Variants in MTUS1 observed in about 807,000 individuals in gnomAD.
The protein encoded by MTUS1 is microtubule associated scaffold protein 1.
In MTUS1, 109 loss-of-function variants were observed where a neutral mutation model predicts 120.8. That is an observed-to-expected ratio of 0.90 (90% CI 0.77 to 1.06). The LOEUF (loss-of-function observed/expected upper bound fraction) is 1.06, where lower values mean the gene tolerates loss of function less well. MTUS1 is among the 50% of genes least tolerant of loss of function. The pLI, the probability that MTUS1 is intolerant of heterozygous loss-of-function variation, is 0.00. For synonymous variants in MTUS1, 737 were observed against 550.5 expected, an observed-to-expected ratio of 1.34 and a Z score of -4.74; for missense variants, 2,210 against 1,486.3, an observed-to-expected ratio of 1.49 and a Z score of -8.01.
At chr8:17,788,972 C>G (rs915130976) in intron 1 of MTUS1, among the ~76,000 whole-genome samples, 6 of 151,728 alleles carry the variant, frequency 4.0e-5, no homozygotes, top group African/African-American at 9.7e-5. Flanking sequence ...AAGGCACTCT[C>G]AAAGACTGTA....
intron 6 of MTUS1, among the ~76,000 whole-genome samples, chr8:17,701,230 C>T (rs1437634555): frequency 6.6e-6 from 1 of 152,146 alleles, no homozygotes; most frequent in Non-Finnish European, 1.5e-5. Flanking sequence ...GCAACATTTT[C>T]TTCATTTTAC....
intron 1 of MTUS1, among the ~76,000 whole-genome samples, chr8:17,763,258 G>T (rs1380930448): frequency 6.6e-6 from 1 of 152,194 alleles, no homozygotes; most frequent in Admixed American, 6.5e-5. Flanking sequence ...CCAAAGTGCT[G>T]GGATTACAGG....
At chr8:17,649,350 G>A (rs1293614684) in intron 13 of MTUS1, among the ~76,000 whole-genome samples, 5 of 152,156 alleles carry the variant, frequency 3.3e-5, no homozygotes, top group Admixed American at 1.3e-4. Flanking sequence ...GAGCCACTGC[G>A]CCCAGCCCAC....
At position 17,712,739 on chromosome 8, in the gene MTUS1, A is replaced by G. The variant is rs1462835131; in HGVS notation, c.2623+475T>C. ...AATCTTTTATGGGTTCTTGAGAGAC[A>G]TAAAGTTTTGGATTCTCAGCTGTGG... On this transcript the variant is annotated intron_variant, in intron 6 of 14. Coordinates refer to ENST00000693296, the MANE Select transcript of MTUS1 (RefSeq NM_001363059.2). 2.0e-5 allele frequency among the ~76,000 whole-genome samples: 3 copies of G among 152,052 alleles called. No homozygotes were observed. The East Asian group carries it at 5.8e-4, about 29-fold the overall frequency.
chr8:17,754,398 T>G lies in MTUS1; in HGVS notation c.1410A>C (p.Ala470=). The change falls in exon 2 of 15, where the codon GCA becomes GCC. Residue 470 remains alanine, a synonymous_variant. Coordinates refer to ENST00000693296, the MANE Select transcript of MTUS1 (RefSeq NM_001363059.2). ...AACTGGGTTTACACAGGTTCACAGGTGCCTCCTTCGAGTCTGGTATGTTTT... is the reference window on the plus strand; with the variant it reads ...AACTGGGTTTACACAGGTTCACAGGGGCCTCCTTCGAGTCTGGTATGTTTT... ...GLKNIPDSKE[A]PVNLCKPSLG... 6.2e-7 allele frequency: 1 copy of G among 1,614,184 alleles called. No individual in the cohort carries two copies. The highest frequency in any genetic ancestry group is 8.5e-7 in the Non-Finnish European group (1 of 1,180,024).
chr8:17,756,217 T>C (rs149222898), intron 1 of MTUS1, among the ~76,000 whole-genome samples: 1 of 152,332 alleles, frequency 6.6e-6, no homozygotes, highest in African/African-American at 2.4e-5. Flanking sequence ...CCTGACTTTA[T>C]AACTGATATG....
intron 1 of MTUS1, among the ~76,000 whole-genome samples, chr8:17,763,067 C>T (rs2049170101): frequency 6.6e-6 from 1 of 151,958 alleles, no homozygotes; most frequent in East Asian, 1.9e-4. Context: ...TCTTGGCTCA[C>T]TGCAACCTCC....
At position 17,675,247 on chromosome 8, in the gene MTUS1, C is replaced by T. The variant is rs780522842; in HGVS notation, c.2844G>A (p.Glu948=). 2 of 1,614,106 alleles carry T rather than the reference C, an allele frequency of 1.2e-6. No homozygotes were observed. The highest frequency in any genetic ancestry group is 2.2e-5 in the South Asian group (2 of 91,056). Residue 948 remains glutamate (E), a synonymous_variant, in exon 8 of 15, where the codon GAG becomes GAA. Transcript: ENST00000693296. ...VVIQHLLSER[E]EALKQHKTLS... ...GGGTTTTGTGTTGTTTCAGTGCTTC[C>T]TCCCGCTGCGGAAAACACACATCAA...
intron 1 of MTUS1, among the ~76,000 whole-genome samples, chr8:17,788,036 G>T (rs759990684): frequency 1.3e-5 from 2 of 152,156 alleles, no homozygotes; most frequent in African/African-American, 4.8e-5. Context: ...TAGGAGAATG[G>T]CTGGAACCCA....
At chr8:17,687,325 G>A (rs186534961) in intron 6 of MTUS1, among the ~76,000 whole-genome samples, 2 of 152,206 alleles carry the variant, frequency 1.3e-5, no homozygotes, top group East Asian at 3.9e-4. Flanking sequence ...CTCAGCTGAA[G>A]ATCAGAGATG....
At chr8:17,714,862 G>C (rs1391727739) in intron 5 of MTUS1, among the ~76,000 whole-genome samples, 1 of 116,186 alleles carries the variant, frequency 8.6e-6, no homozygotes, top group Non-Finnish European at 1.7e-5. Context: ...TCAGGCTTTA[G>C]TTAAGCTTCA....
At chr8:17,767,498 A>G (rs2049617299) in intron 1 of MTUS1, among the ~76,000 whole-genome samples, 1 of 150,996 alleles carries the variant, frequency 6.6e-6, no homozygotes, top group Non-Finnish European at 1.5e-5. Context: ...GGAGTTTGAG[A>G]CTAGCCTGGG....
In MTUS1 at chr8:17,645,800, C is replaced by T. The variant is rs1805654045; in HGVS notation, c.*126G>A. 2.4e-6 allele frequency: 3 copies of T among 1,274,356 alleles called. No individual in the cohort carries two copies. In the East Asian group the frequency reaches 8.6e-5, roughly 37 times the overall value. The allele number at this position is 1,274,356 out of a possible 1,614,324, so 78.9% of individuals were successfully genotyped here. ...AGCTGCGATTCCGCCGGTGGTGACG[C>T]TCCAGTTACCCTACGGTGATCACAC... On this transcript the variant is annotated 3_prime_UTR_variant, in exon 15 of 15. Coordinates refer to ENST00000693296, the MANE Select transcript of MTUS1 (RefSeq NM_001363059.2).
intron 8 of MTUS1, among the ~76,000 whole-genome samples, chr8:17,665,786 G>C (rs1287973615): frequency 2.0e-5 from 3 of 152,212 alleles, no homozygotes; most frequent in Non-Finnish European, 4.4e-5. Context: ...CCTCAGGGTA[G>C]TAGGGCTTAA....
chr8:17,743,960 C>T (rs925150891), intron 2 of MTUS1, among the ~76,000 whole-genome samples, 161 bp from the exon 3 acceptor site: 4 of 152,176 alleles, frequency 2.6e-5, no homozygotes, highest in Admixed American at 6.5e-5. Context: ...ATTATACTCT[C>T]CTCCCTTTAG....
chr8:17,738,497 C>G lies in MTUS1; in HGVS notation c.2287+5107G>C, dbSNP rs141249768. Among the ~76,000 whole-genome samples the G allele has an allele frequency of 1.2e-3, 179 of 152,286 alleles. 2 individuals are homozygous for G. The highest frequency in any genetic ancestry group is 4.2e-3 in the African/African-American group (174 of 41,556). On this transcript the variant is annotated intron_variant, in intron 3 of 14. Transcript: ENST00000693296. ...TGAAGGCGGGTCTCTCTAAAGATGTCTGAATTGATCATGAAGGATTTACTC... is the reference window on the plus strand; with the variant it reads ...TGAAGGCGGGTCTCTCTAAAGATGTGTGAATTGATCATGAAGGATTTACTC...
chr8:17,776,402 G>A (rs139360160), intron 1 of MTUS1, among the ~76,000 whole-genome samples: 158 of 152,012 alleles, frequency 1.0e-3, no homozygotes, highest in African/African-American at 3.5e-3. Flanking sequence ...TCTCACATAC[G>A]AGGCCCAGTG....
At chr8:17,791,948 C>A (rs2051819677) in intron 1 of MTUS1, among the ~76,000 whole-genome samples, 1 of 152,078 alleles carries the variant, frequency 6.6e-6, no homozygotes, top group Non-Finnish European at 1.5e-5. Context: ...AAGGTACTAC[C>A]CCCACCTTCC....
chr8:17,723,512 A>G (rs2045980645), intron 4 of MTUS1, 160 bp downstream of exon 4: 1 of 735,980 alleles, frequency 1.4e-6, no homozygotes, highest in African/African-American at 1.8e-5. Context: ...TTTTTCAAAG[A>G]ATTTTTTTTC....
Sources: gnomAD v4.1 joint callset for allele counts (sites outside exome capture counted in the v4.1 genomes callset) on GRCh38, gnomAD v4.1.1 for gene constraint, MANE v1.5 for transcripts, NCBI Gene and HGNC (gene_info 2026-07-23, HGNC 2026-07-21) for gene names.